ITFG1: variants seen among roughly 807,000 people sequenced by gnomAD.
The protein encoded by ITFG1 is T-cell immunomodulatory protein.
Under a neutral mutation model 81.8 loss-of-function variants are expected in ITFG1, and 34 were observed. That is an observed-to-expected ratio of 0.42 (90% CI 0.32 to 0.55). The LOEUF is 0.55. Ranked by LOEUF, ITFG1 falls within the 20% of genes least tolerant of loss-of-function variation. ITFG1 has a pLI of 0.17. For synonymous variants in ITFG1, 285 were observed against 270.6 expected, an observed-to-expected ratio of 1.05 and a Z score of -0.52; for missense variants, 672 against 755.4, an observed-to-expected ratio of 0.89 and a Z score of 1.29.
intron 8 of ITFG1, among the ~76,000 whole-genome samples, chr16:47,338,464 A>G (rs1255890880): frequency 6.6e-6 from 1 of 152,090 alleles, no homozygotes; most frequent in Non-Finnish European, 1.5e-5. Context: ...AAACCCTAGC[A>G]AACGATGGGA....
rs566133691 is a variant in ITFG1, at chr16:47,184,085, A to G, written c.1454-21421T>C. On this transcript the variant is annotated intron_variant, in intron 14 of 17. Coordinates refer to ENST00000320640, the MANE Select transcript of ITFG1 (RefSeq NM_030790.5). Reference sequence around the variant, plus strand: ...AGAAGGGAAGTTTAGAGAAAAAAGAATAAAAAGAAATGAGCAAAGCCTCCA... The same window carrying G: ...AGAAGGGAAGTTTAGAGAAAAAAGAGTAAAAAGAAATGAGCAAAGCCTCCA... 4.9e-3 allele frequency among the ~76,000 whole-genome samples: 753 copies of G among 152,296 alleles called. 6 individuals are homozygous for G. The highest frequency in any genetic ancestry group is 0.017 in the African/African-American group (705 of 41,570).
intron 10 of ITFG1, among the ~76,000 whole-genome samples, chr16:47,267,458 A>G: frequency 6.6e-6 from 1 of 152,206 alleles, no homozygotes; most frequent in African/African-American, 2.4e-5. Flanking sequence ...CAAGTTCACA[A>G]CTATAGTCAC....
chr16:47,312,620 T>C (rs1297752893), intron 9 of ITFG1: 1 of 152,212 alleles, frequency 6.6e-6, no homozygotes, highest in African/African-American at 2.4e-5. Flanking sequence ...TTTTAAAAAA[T>C]TGTTGTGTTT....
At chr16:47,460,104 C>A (rs771431637) in intron 1 of ITFG1, among the ~76,000 whole-genome samples, 1 of 152,162 alleles carries the variant, frequency 6.6e-6, no homozygotes, top group Non-Finnish European at 1.5e-5. Context: ...TTTCCAAGAA[C>A]AAGTTAGCAA....
At chr16:47,288,882 C>A (rs552865626) in intron 10 of ITFG1, among the ~76,000 whole-genome samples, 5 of 152,090 alleles carry the variant, frequency 3.3e-5, no homozygotes, top group African/African-American at 1.2e-4. Flanking sequence ...GGTAACAGTG[C>A]GAGACTCTTA....
At chr16:47,307,093 CAAAAAAA>C (rs371103697) in intron 10 of ITFG1, among the ~76,000 whole-genome samples, 2 of 16,472 alleles carry the variant, frequency 1.2e-4, no homozygotes, top group African/African-American at 6.6e-4. Context: ...AACTCCGTCT[CAAAAAAA>C]AAAAAAAAAA....
chr16:47,366,486 A>T (rs1330436504), intron 7 of ITFG1, among the ~76,000 whole-genome samples: 2 of 152,210 alleles, frequency 1.3e-5, no homozygotes, highest in African/African-American at 4.8e-5. Context: ...AGCTAAATAG[A>T]AAAGGAGAGC....
intron 6 of ITFG1, among the ~76,000 whole-genome samples, chr16:47,418,139 AT>A (rs1968896956): frequency 6.6e-6 from 1 of 152,064 alleles, no homozygotes; most frequent in African/African-American, 2.4e-5. Context: ...GATGTTGAGC[AT>A]TTTTTCATAA....
At chr16:47,368,537 C>T (rs113058334) in intron 7 of ITFG1, among the ~76,000 whole-genome samples, 14,121 of 104,450 alleles carry the variant, frequency 0.14, 1,737 homozygotes, top group African/African-American at 0.36. Flanking sequence ...GCCTGGGTGA[C>T]AGAGCAAGAC....
rs116614262 is a variant in ITFG1 at position 47,329,655 on chromosome 16, G to A, written c.803-15832C>T. 7.8e-3 allele frequency among the ~76,000 whole-genome samples: 1,183 copies of A among 152,194 alleles called. 14 individuals are homozygous for A. The highest frequency in any genetic ancestry group is 0.027 in the African/African-American group (1,142 of 41,532). Reference sequence around the variant, plus strand: ...TTTACTATGTGCAAAACAGTTATGAGTTTTATACATGTATTATCTCCTTTA... The same window carrying A: ...TTTACTATGTGCAAAACAGTTATGAATTTTATACATGTATTATCTCCTTTA... On this transcript the variant is annotated intron_variant, in intron 8 of 17. Coordinates refer to ENST00000320640, the MANE Select transcript of ITFG1 (RefSeq NM_030790.5).
chr16:47,395,355 T>G (rs1176877296), intron 6 of ITFG1, among the ~76,000 whole-genome samples: 1 of 152,180 alleles, frequency 6.6e-6, no homozygotes, highest in Non-Finnish European at 1.5e-5. Flanking sequence ...AATGAAAATA[T>G]CAATGAGACA....
At chr16:47,434,006 A>G (rs1969130915) in intron 5 of ITFG1, among the ~76,000 whole-genome samples, 1 of 150,046 alleles carries the variant, frequency 6.7e-6, no homozygotes, top group Non-Finnish European at 1.5e-5. Context: ...GGCTAGCCAT[A>G]TTCAGAAAAT....
chr16:47,185,910 A>C (rs1965206083), intron 14 of ITFG1, among the ~76,000 whole-genome samples: 3 of 152,364 alleles, frequency 2.0e-5, no homozygotes, highest in African/African-American at 7.2e-5. Flanking sequence ...AGATGCAATA[A>C]AAAATGATAA....
intron 12 of ITFG1, among the ~76,000 whole-genome samples, chr16:47,242,319 A>C (rs1226777192): frequency 1.3e-5 from 2 of 151,632 alleles, no homozygotes; most frequent in Non-Finnish European, 2.9e-5. Flanking sequence ...TCTGGAAGAG[A>C]AAATGCAAAT....
Position 47,271,382 on chromosome 16 carries a change from T to C in ITFG1, c.1071-10687A>G, listed in dbSNP as rs993933401. Among the ~76,000 whole-genome samples, 4 of 152,158 alleles carry C rather than the reference T, an allele frequency of 2.6e-5. No individual in the cohort carries two copies. In the South Asian group the frequency reaches 8.3e-4, roughly 31 times the overall value. ...GAAGAAAGCTCAACATCATTAGCCATTAGACAACTGCAAATCAAAACCACA... is the reference window on the plus strand; with the variant it reads ...GAAGAAAGCTCAACATCATTAGCCACTAGACAACTGCAAATCAAAACCACA... On this transcript the variant is annotated intron_variant, in intron 10 of 17. Transcript: ENST00000320640.
chr16:47,356,997 T>C (rs1968048020), intron 8 of ITFG1, among the ~76,000 whole-genome samples: 1 of 151,374 alleles, frequency 6.6e-6, no homozygotes, highest in Non-Finnish European at 1.5e-5. Context: ...GGTCTAACAA[T>C]AGCCAAGTTA....
chr16:47,333,754 A>C (rs1351640466), intron 8 of ITFG1, among the ~76,000 whole-genome samples: 1 of 152,222 alleles, frequency 6.6e-6, no homozygotes, highest in Non-Finnish European at 1.5e-5. Flanking sequence ...CAGAGTGGAC[A>C]TAAGACCCGT....
intron 10 of ITFG1, among the ~76,000 whole-genome samples, chr16:47,304,359 C>T (rs899547212): frequency 6.6e-5 from 10 of 152,140 alleles, no homozygotes; most frequent in African/African-American, 2.4e-4. Flanking sequence ...TTTACAGGTA[C>T]ATAGACAGGT....
chr16:47,284,688 A>G (rs560514294), intron 10 of ITFG1, among the ~76,000 whole-genome samples: 48 of 152,318 alleles, frequency 3.2e-4, no homozygotes, highest in Non-Finnish European at 5.4e-4. Context: ...TGTGCTCCTT[A>G]GAGAGTCAAG....
Sources: allele counts gnomAD v4.1 joint callset (sites outside exome capture counted in the v4.1 genomes callset), GRCh38; gene constraint gnomAD v4.1.1; transcripts MANE v1.5; gene names NCBI Gene and HGNC (gene_info 2026-07-23, HGNC 2026-07-21).